DISC1: variants seen among roughly 807,000 people sequenced by gnomAD.
DISC1 encodes disrupted in schizophrenia 1 protein.
In DISC1, 57 loss-of-function variants were observed where a neutral mutation model predicts 84.5. The ratio of observed to expected loss-of-function variants is 0.67; its 90% CI spans 0.55 to 0.84. DISC1 has a LOEUF of 0.84. Among genes scored for constraint, DISC1 ranks in the 40% least tolerant of loss-of-function variants. The pLI, the probability that DISC1 is intolerant of heterozygous loss-of-function variation, is 0.00. For synonymous variants in DISC1, 411 were observed against 415.2 expected, an observed-to-expected ratio of 0.99 and a Z score of 0.12; for missense variants, 1,000 against 1,057.8, an observed-to-expected ratio of 0.95 and a Z score of 0.76.
Position 231,728,045 on chromosome 1 carries a change from C to T in DISC1, c.1118-21881C>T, listed in dbSNP as rs2070982105. 2.6e-5 allele frequency among the ~76,000 whole-genome samples: 4 copies of T among 152,148 alleles called. 1 individual carries two copies. The South Asian group carries it at 8.3e-4, about 32-fold the overall frequency. On this transcript the variant is annotated intron_variant, in intron 3 of 12. Transcript: ENST00000439617. Reference sequence around the variant, plus strand: ...GAATCCAGGACTAAAATCTGGGTCTCCTGACTCTTAAGCAGATAAATCAGT... The same window carrying T: ...GAATCCAGGACTAAAATCTGGGTCTTCTGACTCTTAAGCAGATAAATCAGT...
chr1:231,770,507 C>T (rs953698375), intron 5 of DISC1, among the ~76,000 whole-genome samples: 1 of 152,124 alleles, frequency 6.6e-6, no homozygotes, highest in Non-Finnish European at 1.5e-5. Flanking sequence ...GCATGAGGCT[C>T]CCTGCCCTGT....
intron 1 of DISC1, among the ~76,000 whole-genome samples, chr1:231,673,993 A>T (rs73115111): frequency 3.9e-4 from 60 of 152,304 alleles, no homozygotes; most frequent in African/African-American, 1.4e-3. Flanking sequence ...ATAGGGTAGG[A>T]CTGAGGCCAG....
chr1:231,687,107 C>T lies in DISC1; in HGVS notation c.68-6719C>T, dbSNP rs1028688920. Among the ~76,000 whole-genome samples the T allele has an allele frequency of 6.6e-5, 10 of 152,322 alleles. 1 individual carries two copies. Among genetic ancestry groups the T allele is most frequent in the Middle Eastern group, 6.8e-3 (2 of 294 alleles). ...GTCTCTAGGGAGTTCCAAACTTTCT[C>T]ACATTTTCCTGTCTTCTTCTGAGCC... is the stretch of plus-strand genomic sequence containing the variant. On this transcript the variant is annotated intron_variant, in intron 1 of 12. Coordinates refer to ENST00000439617, the MANE Select transcript of DISC1 (RefSeq NM_018662.3).
intron 1 of DISC1, among the ~76,000 whole-genome samples, chr1:231,627,843 C>T (rs1469581855): frequency 6.6e-6 from 1 of 152,184 alleles, no homozygotes; most frequent in Non-Finnish European, 1.5e-5. Context: ...AATCAATTTG[C>T]AAAGTGTTAT....
intron 1 of DISC1, among the ~76,000 whole-genome samples, chr1:231,627,474 G>A (rs1392810438): frequency 6.6e-6 from 1 of 152,224 alleles, no homozygotes; most frequent in Non-Finnish European, 1.5e-5. Flanking sequence ...CCTTCCCTAG[G>A]GGCTGCTCTG....
At chr1:231,683,887 G>A (rs2063952297) in intron 1 of DISC1, among the ~76,000 whole-genome samples, 1 of 152,112 alleles carries the variant, frequency 6.6e-6, no homozygotes, top group East Asian at 1.9e-4. Context: ...CCAAGTCCCA[G>A]TGGTTCTGAA....
intron 4 of DISC1, among the ~76,000 whole-genome samples, chr1:231,760,484 A>G (rs1389586242): frequency 6.6e-6 from 1 of 152,214 alleles, no homozygotes; most frequent in Non-Finnish European, 1.5e-5. Flanking sequence ...TCTTGTTGCC[A>G]GAAATAGTCA....
At chr1:231,843,747 C>A (rs1046348283) in intron 9 of DISC1, among the ~76,000 whole-genome samples, 1 of 152,050 alleles carries the variant, frequency 6.6e-6, no homozygotes, top group African/African-American at 2.4e-5. Flanking sequence ...GGGGGGTATT[C>A]ATTAGAATCA....
At chr1:231,839,263 G>A (rs2082851281) in intron 9 of DISC1, among the ~76,000 whole-genome samples, 1 of 152,112 alleles carries the variant, frequency 6.6e-6, no homozygotes, top group Non-Finnish European at 1.5e-5. Context: ...TGTAACTTTG[G>A]GAAAGTTTGC....
chr1:231,769,461 G>A (rs2076397588), intron 5 of DISC1, among the ~76,000 whole-genome samples: 1 of 152,230 alleles, frequency 6.6e-6, no homozygotes, highest in Admixed American at 6.5e-5. Flanking sequence ...ACACGCTACA[G>A]CATGGTTGAA....
chr1:231,634,175 C>T (rs147786914), intron 1 of DISC1, among the ~76,000 whole-genome samples: 264 of 152,180 alleles, frequency 1.7e-3, no homozygotes, highest in African/African-American at 5.9e-3. Context: ...TGAGCCACCG[C>T]GCCTGGCCTG....
At chr1:231,916,425 C>T (rs1408187581) in intron 9 of DISC1, among the ~76,000 whole-genome samples, 4 of 151,958 alleles carry the variant, frequency 2.6e-5, no homozygotes, top group East Asian at 1.9e-4. Flanking sequence ...GAGGCCGAGG[C>T]GGGCGGATCA....
chr1:231,837,424 A>G (rs199695016), intron 9 of DISC1, among the ~76,000 whole-genome samples: 3 of 152,224 alleles, frequency 2.0e-5, no homozygotes, highest in Non-Finnish European at 2.9e-5. Context: ...TTGCCTTTAC[A>G]TGATATATGG....
intron 3 of DISC1, among the ~76,000 whole-genome samples, chr1:231,705,291 CAAAAAAAAAAAAA>C (rs35677987): frequency 9.0e-5 from 1 of 11,050 alleles, no homozygotes; most frequent in Admixed American, 1.7e-3. Context: ...GACTCCATCT[CAAAAAAAAAAAAA>C]AAAAAAAAAA....
intron 9 of DISC1, among the ~76,000 whole-genome samples, chr1:231,843,080 C>A (rs539045511): frequency 2.0e-5 from 3 of 151,876 alleles, no homozygotes; most frequent in Non-Finnish European, 4.4e-5. Flanking sequence ...AAACAGACAA[C>A]GGCAGTACAG....
intron 1 of DISC1, among the ~76,000 whole-genome samples, chr1:231,689,942 G>T (rs551052657): frequency 1.3e-5 from 2 of 152,220 alleles, no homozygotes; most frequent in African/African-American, 2.4e-5. Flanking sequence ...GGGAGCTGAT[G>T]GGGGAGGGAT....
chr1:231,892,932 C>G (rs2087363227), intron 9 of DISC1, among the ~76,000 whole-genome samples: 1 of 152,098 alleles, frequency 6.6e-6, no homozygotes, highest in African/African-American at 2.4e-5. Context: ...GAGGCCGACT[C>G]AGGTGGATCA....
chr1:231,713,719 T>C (rs1573133580), intron 3 of DISC1, among the ~76,000 whole-genome samples: 1 of 126,540 alleles, frequency 7.9e-6, no homozygotes, highest in Non-Finnish European at 1.7e-5. Context: ...TATATATATA[T>C]ATATAGGAGA....
chr1:231,740,821 A>G (rs1443574214), intron 3 of DISC1, among the ~76,000 whole-genome samples: 1 of 152,218 alleles, frequency 6.6e-6, no homozygotes, highest in Admixed American at 6.5e-5. Flanking sequence ...CACATGAAAC[A>G]AAATTTTGGC....
Sources: gnomAD v4.1 joint callset for allele counts (sites outside exome capture counted in the v4.1 genomes callset) on GRCh38, gnomAD v4.1.1 for gene constraint, MANE v1.5 for transcripts, NCBI Gene and HGNC (gene_info 2026-07-23, HGNC 2026-07-21) for gene names.